Variants in WASHC3 observed in about 807,000 individuals in gnomAD.
WASHC3 encodes the protein WASH complex subunit CCDC53.
A neutral mutation model predicts 26.1 loss-of-function variants in WASHC3; 24 were observed. The observed-to-expected ratio is 0.92, with a 90% confidence interval of 0.66 to 1.29. The LOEUF (loss-of-function observed/expected upper bound fraction) is 1.29, where lower values mean the gene tolerates loss of function less well. WASHC3 is among the 50% of genes most tolerant of loss of function. The pLI is 0.00. For missense variants in WASHC3, 214 were observed against 229.6 expected (o/e 0.93, Z 0.44); for synonymous variants, 77 against 75.7 (o/e 1.02, Z -0.09).
chr12:102,061,162 G>A, intron 2 of WASHC3, 86 bp downstream of exon 2: 1 of 856,972 alleles, frequency 1.2e-6, no homozygotes. Context: ...AATAAAGACT[G>A]TAATTCTTGT....
intron 6 of WASHC3, among the ~76,000 whole-genome samples, chr12:102,018,265 A>G (rs1024097465): frequency 7.2e-5 from 11 of 152,214 alleles, no homozygotes; most frequent in African/African-American, 2.7e-4. Flanking sequence ...AAATGCTGCT[A>G]TGAACATGCG....
intron 2 of WASHC3, among the ~76,000 whole-genome samples, chr12:102,060,904 G>A (rs144566831): frequency 2.2e-3 from 303 of 139,870 alleles, no homozygotes; most frequent in African/African-American, 7.7e-3. Context: ...GCAGTGAGCC[G>A]AGATCGCGCC....
In WASHC3 at chr12:102,013,069, C is replaced by T. The variant is rs749475966; in HGVS notation, c.*39G>A. 2.3e-6 allele frequency: 2 copies of T among 867,832 alleles called. No individual in the cohort carries two copies. Among genetic ancestry groups the T allele is most frequent in the Non-Finnish European group, 1.9e-6 (1 of 536,722 alleles). The allele number at this position is 867,832 out of a possible 1,614,324, so 53.8% of individuals were successfully genotyped here. A position where few individuals can be genotyped will look rare whatever the true frequency, so the allele number is the denominator to read the frequency against. On this transcript the variant is annotated 3_prime_UTR_variant, in exon 7 of 7. Transcript: ENST00000240079. ...CAATCTCTTACAGAATGTAAATGTA[C>T]CCCTATGCATGCATATGTAATTCTT...
chr12:102,022,590 G>C (rs80328976), intron 6 of WASHC3, among the ~76,000 whole-genome samples: 5,384 of 152,242 alleles, frequency 0.035, 387 homozygotes, highest in East Asian at 0.29. Context: ...CTGAATACAA[G>C]TAAGTAGACC....
At chr12:102,029,103 C>A (rs10778166) in intron 5 of WASHC3, among the ~76,000 whole-genome samples, 152,329 of 152,368 alleles carry the variant, frequency 1, 76,145 homozygotes, top group Middle Eastern at 1. Flanking sequence ...AATGCATTCC[C>A]AAGGGATTTG....
rs143152127 is a variant in WASHC3 at position 102,018,658 on chromosome 12, T to C, written c.501-5466A>G. Among the ~76,000 whole-genome samples the C allele has an allele frequency of 5.9e-5, 9 of 152,280 alleles. No homozygotes were observed. In the East Asian group the frequency reaches 1.7e-3, roughly 29 times the overall value. On this transcript the variant is annotated intron_variant, in intron 6 of 6. Transcript: ENST00000240079. ...TGGCTAATTTAACTTTTTGTAAAGA[T>C]GAGGTCTCACTTTGTTGCCCAATCT...
At chr12:102,019,066 T>C (rs1876840476) in intron 6 of WASHC3, among the ~76,000 whole-genome samples, 1 of 152,332 alleles carries the variant, frequency 6.6e-6, no homozygotes, top group African/African-American at 2.4e-5. Flanking sequence ...CCCAAAGTGC[T>C]GGGATTACAG....
intron 6 of WASHC3, among the ~76,000 whole-genome samples, chr12:102,014,346 T>C (rs1876609907): frequency 1.5e-4 from 1 of 6,830 alleles, no homozygotes; most frequent in African/African-American, 9.3e-4. Context: ...GCTGGGATTA[T>C]AGATGCGAGC....
rs753916102 is a variant in WASHC3 at position 102,026,054 on chromosome 12, A to G, written c.436-16T>C. On this transcript the variant is annotated splice_polypyrimidine_tract_variant and intron_variant, in intron 5 of 6. Coordinates refer to ENST00000240079, the MANE Select transcript of WASHC3 (RefSeq NM_016053.4). ...CTGGTACACCCTAAGCAAAGGATAT[A>G]AGATAATTTCATCATTAAAAATGTC... The G allele has an allele frequency of 1.6e-5, 23 of 1,450,518 alleles. No individual in the cohort carries two copies. The Admixed American group carries it at 4.5e-4, about 28-fold the overall frequency. The allele number at this position is 1,450,518 out of a possible 1,614,324, so 89.9% of individuals were successfully genotyped here.
At chr12:102,013,249 C>T (rs1876559381) in intron 6 of WASHC3, 57 bp from the exon 7 acceptor site, 14 of 829,168 alleles carry the variant, frequency 1.7e-5, no homozygotes, top group Non-Finnish European at 2.7e-5. Flanking sequence ...AGAGCACTTA[C>T]AAACTCTTAA....
chr12:102,029,881 G>A (rs1027599152), intron 5 of WASHC3, among the ~76,000 whole-genome samples: 3 of 152,086 alleles, frequency 2.0e-5, no homozygotes, highest in Non-Finnish European at 2.9e-5. Flanking sequence ...TTGAAAAAAC[G>A]CTACGGGTTG....
At chr12:102,050,672 T>C (rs190815675) in intron 2 of WASHC3, 213 of 428,454 alleles carry the variant, frequency 5.0e-4, no homozygotes, top group Middle Eastern at 2.1e-3. Flanking sequence ...AAAAAATTAT[T>C]AAACAAACAA....
Position 102,061,282 on chromosome 12 carries a change from T to C in WASHC3, c.116A>G (p.Gln39Arg), listed in dbSNP as rs1471145752. 1.2e-6 allele frequency: 2 copies of C among 1,613,790 alleles called. No individual in the cohort carries two copies. Among genetic ancestry groups the C allele is most frequent in the Non-Finnish European group, 1.7e-6 (2 of 1,179,832 alleles). The part of the protein sequence containing the change: ...FLNQFVVHTV[Q>R]FLNRFSTVCE... Reference sequence around the variant, plus strand: ...AACTGTAGAAAAGCGGTTGAGGAACTGTACAGTGTGCACCACAAATTGGTT... The same window carrying C: ...AACTGTAGAAAAGCGGTTGAGGAACCGTACAGTGTGCACCACAAATTGGTT... The change falls in exon 2 of 7, where the codon CAG becomes CGG. Residue 39 changes from glutamine to arginine, a missense_variant. Physicochemically the swap from Gln to Arg is conservative, Grantham distance 43 (BLOSUM62 1). Transcript: ENST00000240079.
chr12:102,041,606 G>A (rs1012768744), intron 4 of WASHC3, among the ~76,000 whole-genome samples: 5 of 152,022 alleles, frequency 3.3e-5, no homozygotes, highest in Admixed American at 2.6e-4. Context: ...TCCTTTGTCT[G>A]ATAAGTGAGT....
At chr12:102,041,124 C>T (rs897369082) in intron 4 of WASHC3, among the ~76,000 whole-genome samples, 30 of 149,882 alleles carry the variant, frequency 2.0e-4, no homozygotes, top group Admixed American at 1.0e-3. Context: ...CATATATATA[C>T]ACACACACAC....
intron 5 of WASHC3, among the ~76,000 whole-genome samples, chr12:102,035,599 T>C (rs1322887884): frequency 1.3e-5 from 2 of 152,156 alleles, no homozygotes; most frequent in Non-Finnish European, 2.9e-5. Context: ...CTTGAAGAAA[T>C]GAGAGCATAT....
intron 5 of WASHC3, among the ~76,000 whole-genome samples, chr12:102,031,533 A>C (rs1470495817): frequency 6.6e-6 from 1 of 152,214 alleles, no homozygotes; most frequent in Non-Finnish European, 1.5e-5. Context: ...AAAATTTTCA[A>C]AGTTGGCTAA....
chr12:102,033,794 T>A (rs1565815031), intron 5 of WASHC3, among the ~76,000 whole-genome samples: 2 of 151,936 alleles, frequency 1.3e-5, no homozygotes, highest in African/African-American at 2.4e-5. Context: ...TATAAACAAT[T>A]CCCTAAAAGC....
chr12:102,056,413 T>A (rs775620018), intron 2 of WASHC3, among the ~76,000 whole-genome samples: 3 of 152,200 alleles, frequency 2.0e-5, no homozygotes, highest in Non-Finnish European at 4.4e-5. Context: ...AACAATGCAT[T>A]CCTAGGGATA....
Sources: gnomAD v4.1 joint callset for allele counts (sites outside exome capture counted in the v4.1 genomes callset) on GRCh38, gnomAD v4.1.1 for gene constraint, MANE v1.5 for transcripts, NCBI Gene and HGNC (gene_info 2026-07-23, HGNC 2026-07-21) for gene names.